Variants in FRMPD4 observed in about 807,000 individuals in gnomAD.
The protein encoded by FRMPD4 is FERM and PDZ domain-containing protein 4.
A neutral mutation model predicts 94.1 loss-of-function variants in FRMPD4; 22 were observed. That is an observed-to-expected ratio of 0.23 (90% CI 0.17 to 0.33). The LOEUF is 0.33. Ranked by LOEUF, FRMPD4 falls within the 10% of genes least tolerant of loss-of-function variation. FRMPD4 has a pLI of 1.00. For synonymous variants in FRMPD4, 631 were observed against 548.6 expected (o/e 1.15, Z -2.10); for missense variants, 1,111 against 1,339.9 (o/e 0.83, Z 2.67).
chrX:12,538,913 G>T, intron 2 of FRMPD4, among the ~76,000 whole-genome samples: 1 of 112,067 alleles, frequency 8.9e-6, no homozygotes, highest in Non-Finnish European at 1.9e-5. Flanking sequence ...CCCCTCCAAA[G>T]GAATAGAGCT....
At chrX:12,592,249 T>C (rs1339007851) in intron 2 of FRMPD4, among the ~76,000 whole-genome samples, 2 of 112,237 alleles carry the variant, frequency 1.8e-5, no homozygotes, top group African/African-American at 6.5e-5. Flanking sequence ...TGACTCTCTA[T>C]TCTTCGTCGA....
At chrX:12,087,362 T>C (rs940159298) in intron 3 of FRMPD4, among the ~76,000 whole-genome samples, 2 of 111,916 alleles carry the variant, frequency 1.8e-5, no homozygotes, top group Non-Finnish European at 3.8e-5. Context: ...CAGGCTCAAT[T>C]CCTTCCTGCT....
intron 2 of FRMPD4, among the ~76,000 whole-genome samples, chrX:12,563,222 T>G (rs5979657): frequency 9.4e-6 from 1 of 106,158 alleles, no homozygotes; most frequent in Non-Finnish European, 1.9e-5. Context: ...TGTCACAATT[T>G]TATGCATGTA....
rs1569234163 is a variant in FRMPD4 at position 12,331,724 on chromosome X, AG to A, written c.42-166955del. Among the ~76,000 whole-genome samples, 483 of 62,601 alleles carry A rather than the reference AG, an allele frequency of 7.7e-3. 19 individuals are homozygous for A. The highest frequency in any genetic ancestry group is 9.8e-3 in the Non-Finnish European group (386 of 39,291). 54.4% of individuals were successfully genotyped at this position (62,601 alleles called of 115,157 possible). A position where few individuals can be genotyped will look rare whatever the true frequency, so the allele number is the denominator to read the frequency against. ...AATATATAATATATAATTTATATAT[AG>A]TATATAAATATATAATTTATATATT... On this transcript the variant is annotated intron_variant, in intron 1 of 16. Transcript: ENST00000675598.
chrX:12,502,712 C>T (rs58322048), intron 2 of FRMPD4, among the ~76,000 whole-genome samples: 28,534 of 110,754 alleles, frequency 0.26, 3,247 homozygotes, highest in East Asian at 0.53. Flanking sequence ...TAGACATTGA[C>T]GTAAGTATTA....
chrX:11,854,407 A>G (rs1396969317), intron 1 of FRMPD4, among the ~76,000 whole-genome samples: 1 of 111,926 alleles, frequency 8.9e-6, no homozygotes, highest in Non-Finnish European at 1.9e-5. Context: ...CCAAAGTCTT[A>G]ACTCATTCCA....
At chrX:12,599,113 C>T (rs997597178) in intron 2 of FRMPD4, among the ~76,000 whole-genome samples, 2 of 110,819 alleles carry the variant, frequency 1.8e-5, no homozygotes, top group African/African-American at 6.6e-5. Context: ...GGAGGACATA[C>T]AACAGCCCCT....
chrX:12,476,594 C>T (rs1192849456), intron 1 of FRMPD4, among the ~76,000 whole-genome samples: 1 of 111,555 alleles, frequency 9.0e-6, no homozygotes, highest in Non-Finnish European at 1.9e-5. Context: ...CCAGAATCTA[C>T]AATGAACTCA....
intron 9 of FRMPD4, among the ~76,000 whole-genome samples, chrX:12,694,789 C>G (rs112849777): frequency 0.057 from 6,302 of 111,482 alleles, 157 homozygotes; most frequent in Middle Eastern, 0.088. Context: ...TTTTCTAAAC[C>G]ATATGAAGGT....
At chrX:12,458,208 CTCAG>C (rs200254811) in intron 1 of FRMPD4, among the ~76,000 whole-genome samples, 1,503 of 111,735 alleles carry the variant, frequency 0.013, 26 homozygotes, top group African/African-American at 0.046. Flanking sequence ...AGATAATGCA[CTCAG>C]TGTGACTTTT....
chrX:12,424,156 C>T (rs1443594125), intron 1 of FRMPD4, among the ~76,000 whole-genome samples: 1 of 111,930 alleles, frequency 8.9e-6, no homozygotes, highest in Non-Finnish European at 1.9e-5. Context: ...GTATGGTTAC[C>T]GGTCATAGAG....
chrX:12,105,772 G>T (rs193199284), intron 3 of FRMPD4, among the ~76,000 whole-genome samples: 23 of 111,912 alleles, frequency 2.1e-4, no homozygotes, highest in Non-Finnish European at 4.1e-4. Flanking sequence ...TAAGTGCTAG[G>T]ATTTGTGGTA....
Position 11,955,120 on chromosome X carries a change from G to A in FRMPD4, c.95+77102G>A, listed in dbSNP as rs768685809. Among the ~76,000 whole-genome samples the A allele has an allele frequency of 1.5e-3, 163 of 111,126 alleles. 1 individual carries two copies. Among genetic ancestry groups the A allele is most frequent in the African/African-American group, 5.1e-3 (155 of 30,583 alleles). Reference sequence around the variant, plus strand: ...GTGTCCTCCACATGACAGGAGCAAAGGGGCTTCTTTGCATCTGTTTGATAA... The same window carrying A: ...GTGTCCTCCACATGACAGGAGCAAAAGGGCTTCTTTGCATCTGTTTGATAA... On this transcript the variant is annotated intron_variant, in intron 3 of 18. Coordinates refer to the FRMPD4 transcript ENST00000640291.
intron 1 of FRMPD4, among the ~76,000 whole-genome samples, chrX:12,174,632 G>A (rs1002053258): frequency 8.9e-6 from 1 of 111,780 alleles, no homozygotes; most frequent in Non-Finnish European, 1.9e-5. Flanking sequence ...GTATCTGTGA[G>A]TCAGTGGTTC....
At chrX:12,616,314 T>C (rs1281885295) in intron 4 of FRMPD4, among the ~76,000 whole-genome samples, 2 of 112,233 alleles carry the variant, frequency 1.8e-5, no homozygotes, top group Non-Finnish European at 3.8e-5. Flanking sequence ...TTGAGGAATG[T>C]GGCCTTTACC....
chrX:12,717,801 C>T lies in FRMPD4; in HGVS notation c.2975C>T (p.Ser992Leu), dbSNP rs200895055. ...GTGCCTTCCAAGCAGTTACTTCACT[C>T]AGACCACATGGAGATGGAGCCTGAA... ...KVVPSKQLLH[S>L]DHMEMEPETM... The change falls in exon 16 of 17, where the codon TCA becomes TTA. Residue 992 changes from serine to leucine, a missense_variant. Transcript: ENST00000675598. 8.3e-7 allele frequency: 1 copy of T among 1,211,758 alleles called. No homozygotes were observed.
intron 2 of FRMPD4, among the ~76,000 whole-genome samples, chrX:12,570,721 C>T (rs1161874088): frequency 9.0e-6 from 1 of 111,457 alleles, no homozygotes; most frequent in Admixed American, 9.6e-5. Context: ...TGCCTGGAAC[C>T]GAGGATACTA....
chrX:12,345,076 T>TGATG (rs2055679914), intron 1 of FRMPD4, among the ~76,000 whole-genome samples: 1 of 110,260 alleles, frequency 9.1e-6, no homozygotes. Context: ...ATGGATGGAT[T>TGATG]GATGGATGAA....
intron 1 of FRMPD4, among the ~76,000 whole-genome samples, chrX:12,214,807 C>T (rs1314667881): frequency 1.8e-5 from 2 of 111,654 alleles, no homozygotes; most frequent in African/African-American, 6.5e-5. Flanking sequence ...TGAGAAAATG[C>T]TTAATAGATC....
Sources: allele counts gnomAD v4.1 joint callset (sites outside exome capture counted in the v4.1 genomes callset), GRCh38; gene constraint gnomAD v4.1.1; transcripts MANE v1.5; gene names NCBI Gene and HGNC (gene_info 2026-07-23, HGNC 2026-07-21).